The following EXOC6 variants were observed in gnomAD, a reference collection of about 807,000 sequenced individuals.
EXOC6 encodes SEC15-like 1.
EXOC6 carries 60 observed loss-of-function variants against 112.5 expected under a neutral mutation model. The ratio of observed to expected loss-of-function variants is 0.53; its 90% CI spans 0.43 to 0.66. EXOC6 has a LOEUF of 0.66. Ranked by LOEUF, EXOC6 falls within the 30% of genes least tolerant of loss-of-function variation. EXOC6 has a pLI of 0.00. For missense variants in EXOC6, 855 were observed against 957.1 expected (o/e 0.89, Z 1.41); for synonymous variants, 295 against 308.0 (o/e 0.96, Z 0.44).
chr10:92,963,696 A>G (rs902649947), intron 17 of EXOC6, among the ~76,000 whole-genome samples: 1 of 151,910 alleles, frequency 6.6e-6, no homozygotes, highest in Non-Finnish European at 1.5e-5. Flanking sequence ...GTCTCACCAT[A>G]TTACCCCTGT....
At chr10:92,953,467 A>T (rs1054807787) in intron 15 of EXOC6, among the ~76,000 whole-genome samples, 8 of 152,194 alleles carry the variant, frequency 5.3e-5, no homozygotes, top group African/African-American at 1.9e-4. Flanking sequence ...TCAACTGGGG[A>T]TAATTTTGGT....
At chr10:92,989,759 C>T (rs61862345) in intron 18 of EXOC6, among the ~76,000 whole-genome samples, 2,059 of 152,154 alleles carry the variant, frequency 0.014, 21 homozygotes, top group Non-Finnish European at 0.017. Flanking sequence ...TAAAACTGAC[C>T]GGCCATCCAA....
At chr10:92,893,704 C>G (rs1849617065) in intron 2 of EXOC6, among the ~76,000 whole-genome samples, 184 bp downstream of exon 2, 1 of 152,124 alleles carries the variant, frequency 6.6e-6, no homozygotes, top group Admixed American at 6.5e-5. Flanking sequence ...GGAGTATTCT[C>G]TTTTTCTGAA....
At chr10:92,972,880 G>A (rs534960329) in intron 17 of EXOC6, among the ~76,000 whole-genome samples, 1 of 152,304 alleles carries the variant, frequency 6.6e-6, no homozygotes, top group East Asian at 1.9e-4. Flanking sequence ...TTTCCCAAGT[G>A]TGTACACAGC....
chr10:92,924,758 A>G (rs1851616401), intron 8 of EXOC6, among the ~76,000 whole-genome samples: 2 of 152,144 alleles, frequency 1.3e-5, no homozygotes, highest in Admixed American at 6.5e-5. Flanking sequence ...AATGAAGTCT[A>G]GGCTTTTAGT....
chr10:92,971,346 G>C (rs1842288641), intron 17 of EXOC6, among the ~76,000 whole-genome samples: 1 of 22,540 alleles, frequency 4.4e-5, no homozygotes, highest in Non-Finnish European at 6.6e-5. Context: ...GCCCAGCCTA[G>C]TGATTTTTTT....
intron 1 of EXOC6, among the ~76,000 whole-genome samples, chr10:92,856,665 G>A (rs1455047207): frequency 6.6e-6 from 1 of 152,168 alleles, no homozygotes; most frequent in Non-Finnish European, 1.5e-5. Flanking sequence ...GTATCCTACT[G>A]TTGTTGGAGG....
intron 20 of EXOC6, among the ~76,000 whole-genome samples, chr10:93,028,127 T>C (rs1369194549): frequency 6.6e-6 from 1 of 151,942 alleles, no homozygotes; most frequent in Non-Finnish European, 1.5e-5. Context: ...GGAGACGCTG[T>C]CATATGTTAT....
At chr10:92,912,401 G>T (rs923990360) in intron 6 of EXOC6, among the ~76,000 whole-genome samples, 1 of 151,980 alleles carries the variant, frequency 6.6e-6, no homozygotes, top group African/African-American at 2.4e-5. Flanking sequence ...GGGTCCAGGG[G>T]GGTCACTGCC....
rs1382753149 is a variant in EXOC6 at position 93,058,921 on chromosome 10, G to A, written c.*566G>A. 1 of 152,170 alleles carries A rather than the reference G, an allele frequency of 6.6e-6. No individual in the cohort carries two copies. The highest frequency in any genetic ancestry group is 1.5e-5 in the Non-Finnish European group (1 of 68,022). The allele number at this position is 152,170 out of a possible 1,614,324, so 9.4% of individuals were successfully genotyped here. ...AACTCAGTAAGAATGTGAATTATTTGTTCTACTTGGGTGGTTTAATTTAAT... is the reference window on the plus strand; with the variant it reads ...AACTCAGTAAGAATGTGAATTATTTATTCTACTTGGGTGGTTTAATTTAAT... On this transcript the variant is annotated 3_prime_UTR_variant, in exon 22 of 22. Transcript: ENST00000260762.
intron 1 of EXOC6, among the ~76,000 whole-genome samples, chr10:92,890,480 A>G (rs80346762): frequency 0.01 from 1,577 of 152,300 alleles, 31 homozygotes; most frequent in African/African-American, 0.036. Flanking sequence ...GCAATAGGGA[A>G]CAAAACAGTC....
At chr10:92,927,103 A>T (rs1439841982) in intron 8 of EXOC6, among the ~76,000 whole-genome samples, 2 of 152,348 alleles carry the variant, frequency 1.3e-5, no homozygotes, top group African/African-American at 4.8e-5. Flanking sequence ...TACTTTAGAC[A>T]GCACTAAGAA....
At chr10:92,896,368 T>G (rs1849825892) in intron 4 of EXOC6, among the ~76,000 whole-genome samples, 1 of 148,978 alleles carries the variant, frequency 6.7e-6, no homozygotes, top group Non-Finnish European at 1.5e-5. Context: ...GCCTAATTTT[T>G]GTATTTACAG....
At chr10:93,023,361 A>G (rs1197442762) in intron 20 of EXOC6, among the ~76,000 whole-genome samples, 1 of 152,218 alleles carries the variant, frequency 6.6e-6, no homozygotes, top group African/African-American at 2.4e-5. Flanking sequence ...AAGATAGATC[A>G]TCGGGATTGC....
intron 17 of EXOC6, among the ~76,000 whole-genome samples, chr10:92,962,482 T>C (rs1041453151): frequency 1.3e-5 from 2 of 152,036 alleles, no homozygotes; most frequent in Non-Finnish European, 2.9e-5. Flanking sequence ...CTCAACTTCC[T>C]GGGCTCAAGC....
At chr10:92,882,410 G>C (rs1261671990) in intron 1 of EXOC6, among the ~76,000 whole-genome samples, 1 of 151,928 alleles carries the variant, frequency 6.6e-6, no homozygotes, top group African/African-American at 2.4e-5. Flanking sequence ...CAGGCATGAT[G>C]GCAGGTGCCT....
At chr10:92,985,646 C>G (rs998722499) in intron 18 of EXOC6, among the ~76,000 whole-genome samples, 3 of 151,354 alleles carry the variant, frequency 2.0e-5, no homozygotes, top group African/African-American at 7.4e-5. Context: ...AAGCATCATT[C>G]TTTCAGACAA....
chr10:93,056,790 T>A, intron 20 of EXOC6, 134 bp from the exon 21 acceptor site: 1 of 600,378 alleles, frequency 1.7e-6, no homozygotes, highest in Non-Finnish European at 2.9e-6. Context: ...AATGAAGTTT[T>A]AAAAATGAAT....
chr10:92,944,629 A>G (rs1280680754), intron 13 of EXOC6, among the ~76,000 whole-genome samples: 3 of 152,184 alleles, frequency 2.0e-5, no homozygotes. Flanking sequence ...AGGAACCTCC[A>G]TCCTGTTTTC....
Sources: gnomAD v4.1 joint callset for allele counts (sites outside exome capture counted in the v4.1 genomes callset) on GRCh38, gnomAD v4.1.1 for gene constraint, MANE v1.5 for transcripts, NCBI Gene and HGNC (gene_info 2026-07-23, HGNC 2026-07-21) for gene names.